LSAMP: variants seen among roughly 807,000 people sequenced by gnomAD.
LSAMP encodes limbic system-associated membrane protein.
LSAMP carries 7 observed loss-of-function variants against 38.6 expected under a neutral mutation model. That is an observed-to-expected ratio of 0.18 (90% CI 0.10 to 0.34). The LOEUF (loss-of-function observed/expected upper bound fraction) is 0.34. LSAMP is among the 10% of genes least tolerant of loss of function. LSAMP has a pLI of 1.00. For synonymous variants in LSAMP, 154 were observed against 166.8 expected (o/e 0.92, Z 0.59); for missense variants, 313 against 420.0 (o/e 0.75, Z 2.23).
intron 1 of LSAMP, among the ~76,000 whole-genome samples, chr3:116,113,433 T>A (rs1353520879): frequency 7.9e-6 from 1 of 125,996 alleles, no homozygotes; most frequent in Non-Finnish European, 1.7e-5. Flanking sequence ...TTTTTTTTTT[T>A]TTTTTTTTTT....
chr3:116,338,288 T>C (rs758318574), intron 1 of LSAMP, among the ~76,000 whole-genome samples: 1 of 152,016 alleles, frequency 6.6e-6, no homozygotes, highest in East Asian at 1.9e-4. Flanking sequence ...AGGGTTTATA[T>C]GGTACCCTCT....
At chr3:116,192,454 G>A (rs67551037) in intron 1 of LSAMP, among the ~76,000 whole-genome samples, 33,631 of 152,070 alleles carry the variant, frequency 0.22, 3,849 homozygotes, top group African/African-American at 0.27. Context: ...CAATTTCTCT[G>A]TCTTCTTTAG....
chr3:116,031,535 ATTCTTT>A (rs1940922184), intron 2 of LSAMP, among the ~76,000 whole-genome samples: 1 of 89,154 alleles, frequency 1.1e-5, no homozygotes. Flanking sequence ...ACTAGCCTAA[ATTCTTT>A]TTTTTTTTTT....
At chr3:116,261,235 A>C (rs1312993553) in intron 1 of LSAMP, among the ~76,000 whole-genome samples, 2 of 152,130 alleles carry the variant, frequency 1.3e-5, no homozygotes, top group East Asian at 1.9e-4. Context: ...AAAGTTCTTT[A>C]ATCATTTTTG....
chr3:116,288,209 CA>C (rs1181394782), intron 1 of LSAMP, among the ~76,000 whole-genome samples: 1 of 152,196 alleles, frequency 6.6e-6, no homozygotes, highest in Admixed American at 6.6e-5. Flanking sequence ...AGGTGGCACT[CA>C]TGCTCTCTTT....
chr3:116,128,953 C>G (rs550277849), intron 1 of LSAMP, among the ~76,000 whole-genome samples: 17 of 151,842 alleles, frequency 1.1e-4, no homozygotes, highest in Non-Finnish European at 2.4e-4. Context: ...TGACAACATC[C>G]CTGAAAGGTT....
intron 3 of LSAMP, among the ~76,000 whole-genome samples, chr3:115,985,087 C>A (rs4518124): frequency 0.48 from 72,367 of 151,984 alleles, 19,144 homozygotes; most frequent in African/African-American, 0.73. Context: ...ATTTAGACTA[C>A]TATGCTCAAA....
At chr3:116,076,914 G>A (rs1462941881) in intron 2 of LSAMP, among the ~76,000 whole-genome samples, 1 of 151,748 alleles carries the variant, frequency 6.6e-6, no homozygotes, top group African/African-American at 2.4e-5. Flanking sequence ...CTTTGTGAAT[G>A]ACCATTTTTA....
chr3:115,888,297 A>C lies in LSAMP; in HGVS notation c.515-35680T>G, dbSNP rs561402605. On this transcript the variant is annotated intron_variant, in intron 3 of 6. Coordinates refer to ENST00000490035, the MANE Select transcript of LSAMP (RefSeq NM_002338.5). ...TTTGTCATTAACATAACTGTAGAAA[A>C]ACATCCATCCCTTAATACATTGCTG... Among the ~76,000 whole-genome samples, 7 of 152,040 alleles carry C rather than the reference A, an allele frequency of 4.6e-5. 1 individual carries two copies. The South Asian group carries it at 1.5e-3, about 32-fold the overall frequency.
chr3:116,002,874 C>G (rs1337340009), intron 3 of LSAMP, among the ~76,000 whole-genome samples: 1 of 152,128 alleles, frequency 6.6e-6, no homozygotes, highest in African/African-American at 2.4e-5. Context: ...CCTGACACAT[C>G]TATTATGAGC....
At chr3:115,915,763 G>A (rs1937237064) in intron 3 of LSAMP, among the ~76,000 whole-genome samples, 1 of 151,990 alleles carries the variant, frequency 6.6e-6, no homozygotes, top group Admixed American at 6.5e-5. Context: ...CTCCCAAGTA[G>A]CTGGGACTAT....
intron 1 of LSAMP, among the ~76,000 whole-genome samples, chr3:116,435,283 T>C (rs1196483245): frequency 3.3e-5 from 5 of 152,126 alleles, no homozygotes; most frequent in African/African-American, 4.8e-5. Flanking sequence ...CAGGTCTAAG[T>C]CCCTAATTCC....
intron 1 of LSAMP, among the ~76,000 whole-genome samples, chr3:116,106,884 G>A (rs1708480247): frequency 6.6e-6 from 1 of 152,092 alleles, no homozygotes; most frequent in South Asian, 2.1e-4. Context: ...GGGAAGGGAG[G>A]GGGCCTGAAT....
chr3:116,248,831 T>C (rs1252675102), intron 1 of LSAMP, among the ~76,000 whole-genome samples: 4 of 151,972 alleles, frequency 2.6e-5, no homozygotes, highest in African/African-American at 9.7e-5. Flanking sequence ...GGCATTTGGA[T>C]ATAATCCCCA....
Position 116,324,853 on chromosome 3 carries a change from T to C in LSAMP, c.155+120024A>G, listed in dbSNP as rs59381463. On this transcript the variant is annotated intron_variant, in intron 1 of 6. Transcript: ENST00000490035. The stretch of plus-strand genomic sequence containing the variant: ...CCTCATAACTACCTCTTTCTTTTCA[T>C]AGGCTGTAAGGATTGTGATATTATT... Among the ~76,000 whole-genome samples, 475 of 152,270 alleles carry C rather than the reference T, an allele frequency of 3.1e-3. 4 individuals carry two copies. The highest frequency in any genetic ancestry group is 0.011 in the African/African-American group (447 of 41,578).
At position 116,371,815 on chromosome 3, in the gene LSAMP, A is replaced by G. The variant is rs6784722; in HGVS notation, c.155+73062T>C. On this transcript the variant is annotated intron_variant, in intron 1 of 6. Transcript: ENST00000490035. ...AGATCACACACACACACCTGTTAGA[A>G]CTAATAAATAATTTCAGCAAAGTAG... Among the ~76,000 whole-genome samples the G allele has an allele frequency of 6.7e-3, 1,014 of 152,204 alleles. 13 individuals are homozygous for G. Among genetic ancestry groups the G allele is most frequent in the African/African-American group, 0.023 (964 of 41,570 alleles).
intron 1 of LSAMP, among the ~76,000 whole-genome samples, chr3:116,110,561 A>G (rs1385715703): frequency 6.6e-6 from 1 of 152,160 alleles, no homozygotes; most frequent in Non-Finnish European, 1.5e-5. Flanking sequence ...AAGAGAAGGG[A>G]GAGATTGAAG....
intron 1 of LSAMP, among the ~76,000 whole-genome samples, chr3:116,237,734 T>C (rs1356405055): frequency 6.6e-6 from 1 of 152,166 alleles, no homozygotes; most frequent in African/African-American, 2.4e-5. Context: ...TCGCACATCT[T>C]ATTGACCAGG....
intron 1 of LSAMP, among the ~76,000 whole-genome samples, chr3:116,347,647 T>C (rs1223039210): frequency 1.1e-4 from 16 of 152,064 alleles, no homozygotes; most frequent in Non-Finnish European, 1.5e-5. Context: ...GCAGAAATTG[T>C]AGGTAACGTG....
Sources: allele counts gnomAD v4.1 joint callset (sites outside exome capture counted in the v4.1 genomes callset), GRCh38; gene constraint gnomAD v4.1.1; transcripts MANE v1.5; gene names NCBI Gene and HGNC (gene_info 2026-07-23, HGNC 2026-07-21).